The following GBE1 variants were observed in gnomAD, a reference collection of about 807,000 sequenced individuals.
GBE1 encodes the protein 1,4-alpha-glucan-branching enzyme.
GBE1 carries 70 observed loss-of-function variants against 88.8 expected under a neutral mutation model. The observed-to-expected ratio is 0.79, with a 90% CI of 0.65 to 0.96. The LOEUF is 0.96. Among genes scored for constraint, GBE1 ranks in the 40% least tolerant of loss-of-function variants. The pLI is 0.00. For missense variants in GBE1, 872 were observed against 871.0 expected, an observed-to-expected ratio of 1.00 and a Z score of -0.01; for synonymous variants, 284 against 300.1, an observed-to-expected ratio of 0.95 and a Z score of 0.56.
intron 12 of GBE1, among the ~76,000 whole-genome samples, chr3:81,559,908 A>T (rs1703395476): frequency 1.3e-5 from 2 of 152,148 alleles, no homozygotes; most frequent in South Asian, 4.1e-4. Flanking sequence ...TCAACTTTTC[A>T]TTTATTCTAC....
At chr3:81,673,336 G>A (rs559371104) in intron 2 of GBE1, among the ~76,000 whole-genome samples, 64 of 151,856 alleles carry the variant, frequency 4.2e-4, no homozygotes, top group African/African-American at 1.3e-3. Flanking sequence ...TATGTACTCC[G>A]TGCTTAATGC....
At chr3:81,552,673 A>G (rs969933573) in intron 12 of GBE1, among the ~76,000 whole-genome samples, 1 of 152,270 alleles carries the variant, frequency 6.6e-6, no homozygotes, top group Admixed American at 6.5e-5. Context: ...AACAAGTTTT[A>G]TTTGAAATGC....
rs1004005304 is a variant in GBE1, at chr3:81,733,270, T to C, written c.144-27657A>G. ...AATCTAATGCCTGATGATCTGTCAC[T>C]GTCTCCCATCACCCCCAGACAGGAT... On this transcript the variant is annotated intron_variant, in intron 1 of 15. Coordinates refer to ENST00000429644, the MANE Select transcript of GBE1 (RefSeq NM_000158.4). The surrounding 1 kb of genome is among the most constrained non-coding windows in gnomAD (Gnocchi z 4.0). 4.6e-5 allele frequency among the ~76,000 whole-genome samples: 7 copies of C among 152,034 alleles called. No homozygotes were observed. Among genetic ancestry groups the C allele is most frequent in the African/African-American group, 1.4e-4 (6 of 41,496 alleles).
intron 7 of GBE1, among the ~76,000 whole-genome samples, chr3:81,631,486 C>T (rs1458064378): frequency 6.6e-6 from 1 of 151,820 alleles, no homozygotes; most frequent in East Asian, 1.9e-4. Context: ...CCTGTAATCC[C>T]AGCACTTTGG....
intron 1 of GBE1, among the ~76,000 whole-genome samples, chr3:81,717,955 T>TTTTATTTATTTATTTA (rs57810073): frequency 6.8e-6 from 1 of 146,980 alleles, no homozygotes; most frequent in African/African-American, 2.5e-5. Flanking sequence ...GGAAATTTTA[T>TTTTATTTATTTATTTA]TTTATTTATT....
chr3:81,679,637 C>T (rs1194773370), intron 2 of GBE1, among the ~76,000 whole-genome samples: 2 of 152,122 alleles, frequency 1.3e-5, no homozygotes, highest in African/African-American at 4.8e-5. Context: ...CAATAGCTTT[C>T]GATACAGTTT....
intron 15 of GBE1, among the ~76,000 whole-genome samples, chr3:81,492,821 T>G (rs1009524221): frequency 2.6e-5 from 4 of 151,762 alleles, no homozygotes; most frequent in African/African-American, 2.4e-5. Flanking sequence ...CACTGCAATC[T>G]CCGCCTCCCA....
At chr3:81,598,187 T>C (rs1056516360) in intron 7 of GBE1, among the ~76,000 whole-genome samples, 1 of 151,984 alleles carries the variant, frequency 6.6e-6, no homozygotes, top group African/African-American at 2.4e-5. Context: ...ACTAATATTG[T>C]ATATTAATAA....
chr3:81,501,646 C>T (rs890369430), intron 14 of GBE1, among the ~76,000 whole-genome samples: 25 of 137,374 alleles, frequency 1.8e-4, no homozygotes, highest in African/African-American at 6.9e-4. Flanking sequence ...TTTAAGGTTG[C>T]AAAACTAAAA....
At chr3:81,645,453 A>G (rs1039341996) in intron 6 of GBE1, among the ~76,000 whole-genome samples, 1 of 152,204 alleles carries the variant, frequency 6.6e-6, no homozygotes, top group African/African-American at 2.4e-5. Flanking sequence ...ATTGTCCTCA[A>G]CAATGTGAAG....
chr3:81,678,995 G>C (rs1705301125), intron 2 of GBE1, among the ~76,000 whole-genome samples: 1 of 152,052 alleles, frequency 6.6e-6, no homozygotes, highest in Non-Finnish European at 1.5e-5. Flanking sequence ...ATTGTACATT[G>C]CCTGAAGTTT....
rs578131270 is a variant in GBE1 at position 81,653,855 on chromosome 3, C to T, written c.430-3934G>A. On this transcript the variant is annotated intron_variant, in intron 3 of 15. Coordinates refer to ENST00000429644, the MANE Select transcript of GBE1 (RefSeq NM_000158.4). ...TAGTAGTTTTTATTTTTTAGCTATA[C>T]GTTTTGATATTATCACTTCATTTAC... 1.1e-4 allele frequency among the ~76,000 whole-genome samples: 17 copies of T among 152,150 alleles called. No individual in the cohort carries two copies. In the South Asian group the frequency reaches 2.1e-3, roughly 19 times the overall value.
chr3:81,649,893 A>C lies in GBE1; in HGVS notation c.458T>G (p.Ile153Ser). ...KVVITSKSGE[I>S]LYRISPWAKY... ...TGCCCACGGTGAAATACGATACAAG[A>C]TCTCTCCGCTTTTACTAGTAATAAC... The change falls in exon 4 of 16, where the codon ATC (isoleucine) becomes AGC (serine). Residue 153 changes from isoleucine (I) to serine (S), a missense_variant. Ile to Ser is a moderately radical substitution (Grantham distance 142). Coordinates refer to ENST00000429644, the MANE Select transcript of GBE1 (RefSeq NM_000158.4). 1 of 1,609,698 alleles carries C rather than the reference A, an allele frequency of 6.2e-7. No individual in the cohort carries two copies. The highest frequency in any genetic ancestry group is 8.5e-7 in the Non-Finnish European group (1 of 1,176,712).
intron 15 of GBE1, among the ~76,000 whole-genome samples, chr3:81,497,163 T>A (rs1702511320): frequency 6.6e-6 from 1 of 152,200 alleles, no homozygotes; most frequent in Admixed American, 6.6e-5. Context: ...GTTGGCTTGT[T>A]TTAATTATGC....
chr3:81,599,841 T>C (rs1406227889), intron 7 of GBE1, among the ~76,000 whole-genome samples: 1 of 152,180 alleles, frequency 6.6e-6, no homozygotes, highest in African/African-American at 2.4e-5. Context: ...TCATGACAAA[T>C]GTCATATTAA....
At chr3:81,748,475 G>C (rs977152283) in intron 1 of GBE1, among the ~76,000 whole-genome samples, 3 of 151,462 alleles carry the variant, frequency 2.0e-5, no homozygotes, top group Non-Finnish European at 2.9e-5. Flanking sequence ...GCCGGGTGTG[G>C]TGGCGGGCGC....
chr3:81,761,398 G>A lies in GBE1; in HGVS notation c.120C>T (p.Pro40=). The A allele has an allele frequency of 6.2e-7, 1 of 1,612,828 alleles. No homozygotes were observed. The highest frequency in any genetic ancestry group is 8.5e-7 in the Non-Finnish European group (1 of 1,179,176). The change falls in exon 1 of 16, where the codon CCC becomes CCT. Residue 40 remains proline (P), a synonymous_variant. Coordinates refer to ENST00000429644, the MANE Select transcript of GBE1 (RefSeq NM_000158.4). The part of the protein sequence containing the change: ...RLLEIDPYLK[P]YAVDFQRRYK... ...ACCTGCGCTGGAAGTCCACGGCGTA[G>A]GGCTTCAAGTACGGGTCGATCTCCA...
intron 15 of GBE1, among the ~76,000 whole-genome samples, chr3:81,491,350 T>C (rs199499279): frequency 1.3e-5 from 2 of 152,188 alleles, no homozygotes; most frequent in African/African-American, 2.4e-5. Flanking sequence ...CATTAGACTA[T>C]GAGCTTTACA....
At chr3:81,634,628 A>G (rs1386652685) in intron 7 of GBE1, among the ~76,000 whole-genome samples, 1 of 152,188 alleles carries the variant, frequency 6.6e-6, no homozygotes, top group African/African-American at 2.4e-5. Flanking sequence ...AAGAGAGAGA[A>G]GGAGAGATCA....
Sources: gnomAD v4.1 joint callset for allele counts (sites outside exome capture counted in the v4.1 genomes callset) on GRCh38, gnomAD v4.1.1 for gene constraint, Gnocchi (gnomAD v3.1) non-coding constraint, MANE v1.5 for transcripts, NCBI Gene and HGNC (gene_info 2026-07-23, HGNC 2026-07-21) for gene names.